NPAT: variants seen among roughly 807,000 people sequenced by gnomAD.
NPAT encodes the protein protein NPAT.
In NPAT, 52 loss-of-function variants were observed where a neutral mutation model predicts 130.7. The ratio of observed to expected loss-of-function variants is 0.40; its 90% confidence interval spans 0.32 to 0.50. The LOEUF is 0.50. Ranked by LOEUF, NPAT falls within the 20% of genes least tolerant of loss-of-function variation. The pLI is 0.68. For missense variants in NPAT, 1,687 were observed against 1,662.6 expected (o/e 1.01, Z -0.26); for synonymous variants, 580 against 584.8 (o/e 0.99, Z 0.12).
chr11:108,220,731 T>C (rs534002234), intron 1 of NPAT, among the ~76,000 whole-genome samples: 4 of 152,360 alleles, frequency 2.6e-5, no homozygotes, highest in Middle Eastern at 3.4e-3. Context: ...GGAGGCTTTT[T>C]TGTATTGTAT....
chr11:108,216,311 T>C (rs1206405887), intron 1 of NPAT, among the ~76,000 whole-genome samples: 1 of 152,176 alleles, frequency 6.6e-6, no homozygotes, highest in Non-Finnish European at 1.5e-5. Context: ...TATCTTAAAG[T>C]AGATTTGCTT....
chr11:108,221,295 G>C (rs1370615307), intron 1 of NPAT, among the ~76,000 whole-genome samples: 1 of 152,036 alleles, frequency 6.6e-6, no homozygotes, highest in African/African-American at 2.4e-5. Context: ...CCACAATAAA[G>C]AATTATGAGG....
chr11:108,210,313 C>A (rs1420942579), intron 1 of NPAT, among the ~76,000 whole-genome samples: 1 of 152,080 alleles, frequency 6.6e-6, no homozygotes, highest in Non-Finnish European at 1.5e-5. Flanking sequence ...GGAGGTGGGG[C>A]CTGGTGGGAG....
intron 1 of NPAT, among the ~76,000 whole-genome samples, chr11:108,216,899 A>G (rs1349526829): frequency 6.6e-6 from 1 of 152,240 alleles, no homozygotes; most frequent in Non-Finnish European, 1.5e-5. Context: ...TTGTCCCAAA[A>G]GTTCCAAAAT....
intron 15 of NPAT, among the ~76,000 whole-genome samples, chr11:108,165,544 A>G (rs2077894635): frequency 6.8e-6 from 1 of 147,110 alleles, no homozygotes; most frequent in Non-Finnish European, 1.5e-5. Flanking sequence ...AGCCCACTGC[A>G]CTCTCAACCT....
intron 1 of NPAT, among the ~76,000 whole-genome samples, chr11:108,215,779 T>C (rs940238099): frequency 3.9e-5 from 6 of 152,338 alleles, no homozygotes; most frequent in Admixed American, 3.9e-4. Flanking sequence ...TTCCAACCTC[T>C]TGCTAACTAA....
chr11:108,211,538 G>A (rs1297123990), intron 1 of NPAT, among the ~76,000 whole-genome samples: 7 of 145,688 alleles, frequency 4.8e-5, no homozygotes, highest in African/African-American at 1.8e-4. Context: ...GTGAGACCCT[G>A]TCTTCAGGAA....
Position 108,189,035 on chromosome 11 carries a change from A to G in NPAT, c.556+71T>C, listed in dbSNP as rs1039818058. ...ATAATTTTACACTATGAGTATAAAG[A>G]CATTAGTATATTATCTCATTCATAC... On this transcript the variant is annotated intron_variant, in intron 6 of 17. Coordinates refer to ENST00000278612, the MANE Select transcript of NPAT (RefSeq NM_002519.3). 6.7e-6 allele frequency: 8 copies of G among 1,198,360 alleles called. No homozygotes were observed. The African/African-American group carries it at 1.2e-4, about 18-fold the overall frequency. 74.2% of individuals were successfully genotyped at this position (1,198,360 alleles called of 1,614,324 possible). A position where few individuals can be genotyped will look rare whatever the true frequency, so the allele number is the denominator to read the frequency against.
At position 108,161,309 on chromosome 11, in the gene NPAT, A is replaced by G; in HGVS notation, c.3777T>C (p.Leu1259=). 2 of 1,614,200 alleles carry G rather than the reference A, an allele frequency of 1.2e-6. No individual in the cohort carries two copies. The highest frequency in any genetic ancestry group is 8.5e-7 in the Non-Finnish European group (1 of 1,180,036). ...GCACAGGTAAATCACTACTATCAGCAAGCCTACTTACTGAGCTGTGCCTCT... is the reference window on the plus strand; with the variant it reads ...GCACAGGTAAATCACTACTATCAGCGAGCCTACTTACTGAGCTGTGCCTCT... ...DIQRHSSVSR[L]ADSSDLPVPR... Residue 1259 remains leucine (L), a synonymous_variant, in exon 17 of 18, where the codon CTT becomes CTC. Transcript: ENST00000278612.
intron 5 of NPAT, 130 bp from the exon 6 acceptor site, chr11:108,189,460 A>T (rs901421454): frequency 2.2e-5 from 17 of 759,846 alleles, no homozygotes; most frequent in Admixed American, 6.1e-5. Context: ...ATTCCTAAAT[A>T]TATCAACTAA....
At chr11:108,217,733 C>G (rs1028958626) in intron 1 of NPAT, among the ~76,000 whole-genome samples, 15 of 152,286 alleles carry the variant, frequency 9.8e-5, no homozygotes, top group Non-Finnish European at 2.2e-4. Flanking sequence ...TGGCTCATGG[C>G]TATAATCCCA....
chr11:108,211,201 T>G, intron 1 of NPAT, among the ~76,000 whole-genome samples: 1 of 147,712 alleles, frequency 6.8e-6, no homozygotes. Context: ...GGCAACAGAG[T>G]GAGACACCGT....
At chr11:108,197,166 T>C in intron 2 of NPAT, 136 bp downstream of exon 2, 1 of 693,146 alleles carries the variant, frequency 1.4e-6, no homozygotes, top group Non-Finnish European at 2.6e-6. Flanking sequence ...TCTTTGGGTC[T>C]TACCAGTCAT....
chr11:108,176,210 T>C, intron 12 of NPAT, 36 bp downstream of exon 12: 1 of 1,437,374 alleles, frequency 7.0e-7, no homozygotes, highest in Non-Finnish European at 9.8e-7. Context: ...AATATTAAGA[T>C]TTGGATTGAT....
At chr11:108,171,945 C>T (rs1446662637) in intron 13 of NPAT, 2 of 478,740 alleles carry the variant, frequency 4.2e-6, no homozygotes, top group South Asian at 2.7e-5. Context: ...TTGTAACTTA[C>T]TAGCACATAG....
chr11:108,188,031 C>A, intron 7 of NPAT, 67 bp downstream of exon 7: 1 of 1,075,642 alleles, frequency 9.3e-7, no homozygotes, highest in Non-Finnish European at 1.4e-6. Flanking sequence ...TGTAAGTATC[C>A]TGATGTAATT....
Position 108,161,075 on chromosome 11 carries a change from A to T in NPAT, c.4011T>A (p.Ile1337=), listed in dbSNP as rs749651074. 3.1e-6 allele frequency: 5 copies of T among 1,613,996 alleles called. No individual in the cohort carries two copies. Among genetic ancestry groups the T allele is most frequent in the Non-Finnish European group, 4.2e-6 (5 of 1,180,026 alleles). ...SVNMAAHTLM[I]LSRAAISRTT... is the part of the protein sequence containing the mutation. ...TCCTAGAAATGGCTGCCCTGGAGAG[A>T]ATCATTAATGTGTGGGCAGCCATAT... The change falls in exon 17 of 18, where the codon ATT becomes ATA. Residue 1337 remains isoleucine (I), a synonymous_variant. Transcript: ENST00000278612.
At chr11:108,170,528 A>T (rs1401912810) in intron 13 of NPAT, among the ~76,000 whole-genome samples, 3 of 152,204 alleles carry the variant, frequency 2.0e-5, no homozygotes, top group Non-Finnish European at 4.4e-5. Context: ...AAAAGGGGGT[A>T]AGGTAAGCAC....
chr11:108,178,432 G>GTA (rs2078029807), intron 10 of NPAT, among the ~76,000 whole-genome samples: 1 of 152,156 alleles, frequency 6.6e-6, no homozygotes, highest in African/African-American at 2.4e-5. Context: ...TTGTGTGTGT[G>GTA]TGTGTGTTCA....
Sources: gnomAD v4.1 joint callset for allele counts (sites outside exome capture counted in the v4.1 genomes callset) on GRCh38, gnomAD v4.1.1 for gene constraint, MANE v1.5 for transcripts, NCBI Gene and HGNC (gene_info 2026-07-23, HGNC 2026-07-21) for gene names.